The following COL8A1 variants were observed in gnomAD, a reference collection of about 807,000 sequenced individuals.
COL8A1 encodes the protein collagen type VIII alpha 1 chain, also known as collagen alpha-1(VIII) chain.
In COL8A1, 21 loss-of-function variants were observed where a neutral mutation model predicts 42.7. That is an observed-to-expected ratio of 0.49 (90% CI 0.35 to 0.71). The LOEUF is 0.71. Ranked by LOEUF, COL8A1 falls within the 30% of genes least tolerant of loss-of-function variation. COL8A1 has a pLI of 0.01. For missense variants in COL8A1, 788 were observed against 962.4 expected (o/e 0.82, Z 2.40); for synonymous variants, 367 against 369.1 (o/e 0.99, Z 0.06).
At chr3:99,715,906 C>G (rs1426795359) in intron 1 of COL8A1, among the ~76,000 whole-genome samples, 1 of 151,986 alleles carries the variant, frequency 6.6e-6, no homozygotes, top group Non-Finnish European at 1.5e-5. Context: ...ACTCTGAACA[C>G]TCTATTGGAT....
chr3:99,750,277 G>C (rs1393131611), intron 2 of COL8A1, among the ~76,000 whole-genome samples: 2 of 151,756 alleles, frequency 1.3e-5, no homozygotes, highest in Admixed American at 1.3e-4. Context: ...GGCTGGTCTT[G>C]AACTCCTGAT....
intron 1 of COL8A1, among the ~76,000 whole-genome samples, chr3:99,737,727 T>C (rs1940771471): frequency 6.6e-6 from 1 of 151,966 alleles, no homozygotes; most frequent in South Asian, 2.1e-4. Flanking sequence ...TCTCAAGGAG[T>C]ATCTTTGTGG....
intron 1 of COL8A1, among the ~76,000 whole-genome samples, chr3:99,725,327 T>G (rs1188194254): frequency 1.3e-5 from 2 of 152,092 alleles, no homozygotes; most frequent in Non-Finnish European, 2.9e-5. Context: ...AAAACTTTTC[T>G]TACTGTAAAA....
chr3:99,662,757 T>C (rs149638569), intron 1 of COL8A1, among the ~76,000 whole-genome samples: 100 of 152,230 alleles, frequency 6.6e-4, no homozygotes, highest in Non-Finnish European at 7.6e-4. Context: ...CTTCTGATGG[T>C]TTGCTGGCAA....
chr3:99,667,281 T>G (rs999745241), intron 1 of COL8A1, among the ~76,000 whole-genome samples: 1 of 152,198 alleles, frequency 6.6e-6, no homozygotes, highest in Non-Finnish European at 1.5e-5. Flanking sequence ...ATTAAGCATT[T>G]TTTGTTGCTG....
intron 1 of COL8A1, among the ~76,000 whole-genome samples, chr3:99,733,957 G>A (rs886966779): frequency 3.3e-5 from 5 of 152,172 alleles, no homozygotes; most frequent in Non-Finnish European, 5.9e-5. Flanking sequence ...CTTTTGAGAA[G>A]TGTCTGTTCA....
chr3:99,656,674 A>G (rs1938031570), intron 1 of COL8A1, among the ~76,000 whole-genome samples: 1 of 152,230 alleles, frequency 6.6e-6, no homozygotes, highest in Non-Finnish European at 1.5e-5. Context: ...TTCTTTCCTT[A>G]CAATCTTTCT....
chr3:99,746,316 A>G (rs924925731), intron 2 of COL8A1, among the ~76,000 whole-genome samples: 1 of 152,218 alleles, frequency 6.6e-6, no homozygotes, highest in African/African-American at 2.4e-5. Flanking sequence ...AAAAAAATAC[A>G]TGCTCATTGA....
intron 2 of COL8A1, among the ~76,000 whole-genome samples, chr3:99,749,939 T>G (rs1438606683): frequency 6.6e-6 from 1 of 151,954 alleles, no homozygotes; most frequent in Non-Finnish European, 1.5e-5. Context: ...AAGTTATCTT[T>G]GAAGGTAGAG....
intron 1 of COL8A1, among the ~76,000 whole-genome samples, chr3:99,738,630 T>C (rs1940804729): frequency 6.6e-6 from 1 of 152,246 alleles, no homozygotes; most frequent in Admixed American, 6.5e-5. Flanking sequence ...TCTTTAAAGC[T>C]GTCAGACAGG....
In COL8A1 at chr3:99,660,506, G is replaced by A. The variant is rs1023916494; in HGVS notation, c.-129+21842G>A. 7.2e-5 allele frequency among the ~76,000 whole-genome samples: 11 copies of A among 152,222 alleles called. No individual in the cohort carries two copies. The South Asian group carries it at 8.3e-4, about 12-fold the overall frequency. Reference sequence around the variant, plus strand: ...CCTAGCCTTTCCAGCCCCTAAAACCGGAAGTCTGTGGTGGTGCAAGGGGGC... The same window carrying A: ...CCTAGCCTTTCCAGCCCCTAAAACCAGAAGTCTGTGGTGGTGCAAGGGGGC... On this transcript the variant is annotated intron_variant, in intron 1 of 3. Transcript: ENST00000652472.
At chr3:99,753,545 T>C (rs1007294507) in intron 2 of COL8A1, among the ~76,000 whole-genome samples, 1 of 152,220 alleles carries the variant, frequency 6.6e-6, no homozygotes, top group African/African-American at 2.4e-5. Context: ...TTAGTACCGC[T>C]GCAGCTGAAG....
intron 1 of COL8A1, among the ~76,000 whole-genome samples, chr3:99,718,356 G>A (rs554065014): frequency 8.6e-5 from 13 of 152,030 alleles, no homozygotes; most frequent in Non-Finnish European, 1.9e-4. Context: ...ATACTCAGTT[G>A]ATTAGGCAGG....
chr3:99,737,825 C>T (rs1314341530), intron 1 of COL8A1, among the ~76,000 whole-genome samples: 1 of 151,794 alleles, frequency 6.6e-6, no homozygotes, highest in Non-Finnish European at 1.5e-5. Flanking sequence ...GAGTGTTTTC[C>T]AACTTGGTTC....
intron 1 of COL8A1, among the ~76,000 whole-genome samples, chr3:99,647,591 T>G (rs1429134898): frequency 6.6e-6 from 1 of 152,194 alleles, no homozygotes; most frequent in African/African-American, 2.4e-5. Context: ...CTCTGGATAC[T>G]GTATAGAGAG....
rs73150263 is a variant in COL8A1, at chr3:99,682,434, A to G, written c.-129+43770A>G. Reference sequence around the variant, plus strand: ...CCCTGTCTCAATAATAATAATAATGATAATAATTAGAAGTGTCTTAAGCAT... The same window carrying G: ...CCCTGTCTCAATAATAATAATAATGGTAATAATTAGAAGTGTCTTAAGCAT... On this transcript the variant is annotated intron_variant, in intron 1 of 3. Transcript: ENST00000652472. Among the ~76,000 whole-genome samples the G allele has an allele frequency of 3.1e-3, 479 of 152,158 alleles. 2 individuals are homozygous for G. Among genetic ancestry groups the G allele is most frequent in the Non-Finnish European group, 5.0e-3 (343 of 68,008 alleles).
intron 2 of COL8A1, among the ~76,000 whole-genome samples, chr3:99,764,783 C>T (rs1941430806): frequency 7.0e-6 from 1 of 141,864 alleles, no homozygotes; most frequent in Admixed American, 7.5e-5. Flanking sequence ...CATCTGCAAC[C>T]TCTGCAGTCA....
In COL8A1 at chr3:99,795,334, T is replaced by C. The variant is rs1161768289; in HGVS notation, c.1433T>C (p.Leu478Pro). The C allele has an allele frequency of 1.3e-6, 2 of 1,599,794 alleles. No homozygotes were observed. The highest frequency in any genetic ancestry group is 1.7e-5 in the Admixed American group (1 of 57,504). ...GVPGLPGVPGLLGPKGEPGIP... is the reference protein window; with the variant it reads ...GVPGLPGVPGPLGPKGEPGIP... ...CCAGGACTCCCTGGTGTTCCAGGGCTTCTCGGACCTAAGGGAGAGCCAGGA... is the reference window on the plus strand; with the variant it reads ...CCAGGACTCCCTGGTGTTCCAGGGCCTCTCGGACCTAAGGGAGAGCCAGGA... The change falls in exon 4 of 4, where the codon CTT (leucine) becomes CCT (proline). Residue 478 changes from leucine to proline, a missense_variant. By Grantham distance (98) the Leu-to-Pro change is moderately conservative (BLOSUM62 -3). Coordinates refer to ENST00000652472, the MANE Select transcript of COL8A1 (RefSeq NM_020351.4).
chr3:99,682,121 A>G (rs377403280), intron 1 of COL8A1, among the ~76,000 whole-genome samples: 1 of 152,174 alleles, frequency 6.6e-6, no homozygotes, highest in East Asian at 1.9e-4. Context: ...CTGTGAAATA[A>G]CTAGAAGTGC....
Sources: allele counts gnomAD v4.1 joint callset (sites outside exome capture counted in the v4.1 genomes callset), GRCh38; gene constraint gnomAD v4.1.1; transcripts MANE v1.5; gene names NCBI Gene and HGNC (gene_info 2026-07-23, HGNC 2026-07-21).